The following CD2AP variants were observed in gnomAD, a reference collection of about 807,000 sequenced individuals.
CD2AP encodes the protein CD2 associated protein, also known as CD2-associated protein.
Under a neutral mutation model 85.1 loss-of-function variants are expected in CD2AP, and 46 were observed. That is an observed-to-expected ratio of 0.54 (90% CI 0.43 to 0.69). The LOEUF (loss-of-function observed/expected upper bound fraction) is 0.69, where lower values mean the gene tolerates loss of function less well. CD2AP is among the 30% of genes least tolerant of loss of function. The probability of loss-of-function intolerance (pLI) is 0.00; values close to 1 mark genes in which losing one functional copy is unlikely to be tolerated. For missense variants in CD2AP, 769 were observed against 729.5 expected (o/e 1.05, Z -0.62); for synonymous variants, 255 against 252.9 (o/e 1.01, Z -0.08).
At chr6:47,514,275 A>AT (rs1486226411) in intron 2 of CD2AP, among the ~76,000 whole-genome samples, 11 of 152,004 alleles carry the variant, frequency 7.2e-5, no homozygotes, top group African/African-American at 2.2e-4. Flanking sequence ...TACTTCATTG[A>AT]TCTTTTTTAA....
At chr6:47,583,395 C>G (rs558695872) in intron 11 of CD2AP, among the ~76,000 whole-genome samples, 2 of 152,308 alleles carry the variant, frequency 1.3e-5, no homozygotes, top group South Asian at 4.1e-4. Context: ...CATTACTACT[C>G]TAAAAACCTT....
rs115103997 is a variant in CD2AP at position 47,492,249 on chromosome 6, A to C, written c.5-11031A>C. On this transcript the variant is annotated intron_variant, in intron 1 of 17. Transcript: ENST00000359314. Reference sequence around the variant, plus strand: ...TTGCTCACAGGCTGGAAAGTCCAGCATCTAGGCACTGGCAAATTTGGTGTC... The same window carrying C: ...TTGCTCACAGGCTGGAAAGTCCAGCCTCTAGGCACTGGCAAATTTGGTGTC... Among the ~76,000 whole-genome samples, 719 of 152,226 alleles carry C rather than the reference A, an allele frequency of 4.7e-3. 5 individuals are homozygous for C. Among genetic ancestry groups the C allele is most frequent in the African/African-American group, 0.016 (684 of 41,532 alleles).
chr6:47,506,858 T>C (rs569922502), intron 2 of CD2AP, among the ~76,000 whole-genome samples: 225 of 150,650 alleles, frequency 1.5e-3, no homozygotes, highest in African/African-American at 5.3e-3. Flanking sequence ...AGAGAGCGGC[T>C]GTGGCAGTTT....
At chr6:47,479,356 C>T (rs1486385368) in intron 1 of CD2AP, among the ~76,000 whole-genome samples, 1 of 152,114 alleles carries the variant, frequency 6.6e-6, no homozygotes, top group Admixed American at 6.5e-5. Flanking sequence ...GATGTGGCAC[C>T]CTCTGTCCAC....
chr6:47,520,079 C>G (rs776375579), intron 2 of CD2AP, among the ~76,000 whole-genome samples: 18 of 151,498 alleles, frequency 1.2e-4, no homozygotes, highest in Non-Finnish European at 2.2e-4. Flanking sequence ...AGAAAAATGA[C>G]CTGTGGAAAT....
At position 47,551,533 on chromosome 6, in the gene CD2AP, T is replaced by G. The variant is rs189259611; in HGVS notation, c.421-3113T>G. Among the ~76,000 whole-genome samples, 41 of 152,310 alleles carry G rather than the reference T, an allele frequency of 2.7e-4. No homozygotes were observed. The East Asian group carries it at 7.3e-3, about 27-fold the overall frequency. ...ATATCCTTGAAAGTTTTAAAAAACC[T>G]AAGAAGATAGGTATTTTTATCCCCA... On this transcript the variant is annotated intron_variant, in intron 4 of 17. Coordinates refer to ENST00000359314, the MANE Select transcript of CD2AP (RefSeq NM_012120.3).
Position 47,542,012 on chromosome 6 carries a change from C to T in CD2AP, c.320-2594C>T, listed in dbSNP as rs146286331. Among the ~76,000 whole-genome samples, 381 of 152,312 alleles carry T rather than the reference C, an allele frequency of 2.5e-3. 1 individual carries two copies. Among genetic ancestry groups the T allele is most frequent in the African/African-American group, 8.5e-3 (352 of 41,562 alleles). On this transcript the variant is annotated intron_variant, in intron 3 of 17. Transcript: ENST00000359314. Reference sequence around the variant, plus strand: ...TGTTAGTAAAACTGTTTTCCTTGCTCTAGAATATCTGCCACATCTGTCCCA... The same window carrying T: ...TGTTAGTAAAACTGTTTTCCTTGCTTTAGAATATCTGCCACATCTGTCCCA...
At chr6:47,588,095 A>G in intron 11 of CD2AP, among the ~76,000 whole-genome samples, 1 of 152,056 alleles carries the variant, frequency 6.6e-6, no homozygotes, top group East Asian at 1.9e-4. Flanking sequence ...TTTTTAGGGG[A>G]CATCCTTCTT....
At chr6:47,501,960 G>A (rs1051195229) in intron 1 of CD2AP, among the ~76,000 whole-genome samples, 2 of 152,164 alleles carry the variant, frequency 1.3e-5, no homozygotes, top group African/African-American at 4.8e-5. Flanking sequence ...TTAGCTAATA[G>A]TTTCTGTGGT....
chr6:47,499,909 A>C (rs1765957686), intron 1 of CD2AP, among the ~76,000 whole-genome samples: 1 of 152,116 alleles, frequency 6.6e-6, no homozygotes, highest in Non-Finnish European at 1.5e-5. Context: ...TTGTATTTTT[A>C]GTAGAGACTG....
Position 47,544,644 on chromosome 6 carries a change from A to T in CD2AP, c.358A>T (p.Ile120Phe), listed in dbSNP as rs764581347. Residue 120 changes from isoleucine to phenylalanine, a missense_variant, in exon 4 of 18, where the codon ATT becomes TTT. Coordinates refer to ENST00000359314, the MANE Select transcript of CD2AP (RefSeq NM_012120.3). ...KRQCKVLFEY[I>F]PQNEDELELK... ...TCAGTGTAAAGTTCTTTTTGAGTAC[A>T]TTCCACAAAATGAGGATGAACTGGA... is the stretch of plus-strand genomic sequence containing the variant. The T allele has an allele frequency of 6.2e-7, 1 of 1,612,924 alleles. No individual in the cohort carries two copies. Among genetic ancestry groups the T allele is most frequent in the Non-Finnish European group, 8.5e-7 (1 of 1,179,084 alleles).
chr6:47,610,158 C>CTTT (rs1647150335), intron 16 of CD2AP, among the ~76,000 whole-genome samples: 1 of 152,128 alleles, frequency 6.6e-6, no homozygotes, highest in African/African-American at 2.4e-5. Context: ...CCCCCTCTGG[C>CTTT]TTTTTAAATG....
In CD2AP at chr6:47,609,222, G is replaced by T; in HGVS notation, c.1732G>T (p.Val578Leu). The T allele has an allele frequency of 6.2e-7, 1 of 1,613,108 alleles. No homozygotes were observed. Among genetic ancestry groups the T allele is most frequent in the South Asian group, 1.1e-5 (1 of 91,052 alleles). The change falls in exon 16 of 18, where the codon GTG becomes TTG. Residue 578 changes from valine to leucine, a missense_variant. Transcript: ENST00000359314. ...CAAAGCTAAAGTGGAAACAGATGATGTGAAAAAAAATTCCCTGGATGAACT... is the reference window on the plus strand; with the variant it reads ...CAAAGCTAAAGTGGAAACAGATGATTTGAAAAAAAATTCCCTGGATGAACT... ...EIKAKVETDD[V>L]KKNSLDELRA...
chr6:47,536,957 C>G (rs1767066757), intron 3 of CD2AP, among the ~76,000 whole-genome samples: 1 of 151,988 alleles, frequency 6.6e-6, no homozygotes, highest in Non-Finnish European at 1.5e-5. Flanking sequence ...CAGATGAAAT[C>G]TCTTGGCACA....
intron 2 of CD2AP, among the ~76,000 whole-genome samples, chr6:47,510,478 AG>A (rs1233765970): frequency 3.3e-5 from 5 of 152,212 alleles, no homozygotes; most frequent in African/African-American, 1.2e-4. Flanking sequence ...CAGAAAATTA[AG>A]TGGTTAAAAA....
chr6:47,532,806 TTGATA>T (rs1472146558), intron 2 of CD2AP, among the ~76,000 whole-genome samples: 1 of 152,232 alleles, frequency 6.6e-6, no homozygotes, highest in Non-Finnish European at 1.5e-5. Context: ...TTGAATTGCA[TTGATA>T]TATTACATCA....
intron 17 of CD2AP, among the ~76,000 whole-genome samples, chr6:47,615,677 C>G (rs1237606155): frequency 6.6e-6 from 1 of 152,104 alleles, no homozygotes; most frequent in Non-Finnish European, 1.5e-5. Flanking sequence ...ACCTCCAACA[C>G]TGGGGATTAC....
chr6:47,494,915 C>T (rs1285273024), intron 1 of CD2AP, among the ~76,000 whole-genome samples: 2 of 152,132 alleles, frequency 1.3e-5, no homozygotes, highest in Admixed American at 6.6e-5. Flanking sequence ...AATCTGAGTA[C>T]TTTGGGAGGC....
intron 1 of CD2AP, among the ~76,000 whole-genome samples, chr6:47,493,654 C>T (rs928942129): frequency 6.6e-6 from 1 of 152,022 alleles, no homozygotes; most frequent in Non-Finnish European, 1.5e-5. Context: ...ATATTCTGCT[C>T]TGTTTCCCCA....
Sources: gnomAD v4.1 joint callset for allele counts (sites outside exome capture counted in the v4.1 genomes callset) on GRCh38, gnomAD v4.1.1 for gene constraint, MANE v1.5 for transcripts, NCBI Gene and HGNC (gene_info 2026-07-23, HGNC 2026-07-21) for gene names.